Variants in KDM5A observed in about 807,000 individuals in gnomAD.
KDM5A encodes the protein lysine demethylase 5A.
A neutral mutation model predicts 193.5 loss-of-function variants in KDM5A; 42 were observed. That is an observed-to-expected ratio of 0.22 (90% CI 0.17 to 0.28). The LOEUF (loss-of-function observed/expected upper bound fraction) is 0.28, where lower values mean the gene tolerates loss of function less well. KDM5A is among the 10% of genes least tolerant of loss of function. The pLI, the probability that KDM5A is intolerant of heterozygous loss-of-function variation, is 1.00. For missense variants in KDM5A, 1,692 were observed against 2,055.1 expected (o/e 0.82, Z 3.42); for synonymous variants, 796 against 718.1 (o/e 1.11, Z -1.73).
At chr12:299,776 G>A (rs932878304) in intron 24 of KDM5A, among the ~76,000 whole-genome samples, 14 of 151,976 alleles carry the variant, frequency 9.2e-5, no homozygotes, top group African/African-American at 3.1e-4. Context: ...AGACCCACCA[G>A]TGTGCTGTAT....
chr12:384,070 C>T lies in KDM5A; in HGVS notation c.327G>A (p.Val109=), dbSNP rs1490052690. 1 of 1,613,486 alleles carries T rather than the reference C, an allele frequency of 6.2e-7. No homozygotes were observed. Among genetic ancestry groups the T allele is most frequent in the Non-Finnish European group, 8.5e-7 (1 of 1,179,490 alleles). Residue 109 remains valine, a synonymous_variant, in exon 3 of 28, where the codon GTG becomes GTA. Coordinates refer to ENST00000399788, the MANE Select transcript of KDM5A (RefSeq NM_001042603.3). Reference sequence around the variant, plus strand: ...ACAGATCCAGGATTTTTCTCTCTACCACAGGGATCTTCAGAGTAGATCCTT... The same window carrying T: ...ACAGATCCAGGATTTTTCTCTCTACTACAGGGATCTTCAGAGTAGATCCTT... ...ELQGSTLKIP[V]VERKILDLYA...
chr12:301,781 T>A (rs909906203), intron 24 of KDM5A, among the ~76,000 whole-genome samples: 1 of 152,116 alleles, frequency 6.6e-6, no homozygotes, highest in Non-Finnish European at 1.5e-5. Flanking sequence ...AACCCCATCA[T>A]CTCAGCCCAA....
rs996239402 is a variant in KDM5A at position 354,710 on chromosome 12, T to C, written c.870+448A>G. Among the ~76,000 whole-genome samples, 8 of 151,734 alleles carry C rather than the reference T, an allele frequency of 5.3e-5. No individual in the cohort carries two copies. The South Asian group carries it at 1.7e-3, about 32-fold the overall frequency. ...TGAGCCCGAGAGGTGGAGCTTGCAG[T>C]GAGCCGAGATCGCACCACTGCACTC... On this transcript the variant is annotated intron_variant, in intron 7 of 27. Coordinates refer to ENST00000399788, the MANE Select transcript of KDM5A (RefSeq NM_001042603.3).
In KDM5A at chr12:334,169, C is replaced by A; in HGVS notation, c.1490+72G>T. The A allele has an allele frequency of 2.2e-6, 3 of 1,374,888 alleles. No individual in the cohort carries two copies. The South Asian group carries it at 3.6e-5, about 16-fold the overall frequency. 85.2% of individuals were successfully genotyped at this position (1,374,888 alleles called of 1,614,324 possible). ...ACTTCTGTCTATAAACCTTAAAGAT[C>A]AAAAACCTAGCATCATTAATCCACT... On this transcript the variant is annotated intron_variant, in intron 11 of 27. Coordinates refer to ENST00000399788, the MANE Select transcript of KDM5A (RefSeq NM_001042603.3).
chr12:384,234 G>A, intron 2 of KDM5A, 81 bp from the exon 3 acceptor site: 3 of 1,025,002 alleles, frequency 2.9e-6, no homozygotes, highest in Non-Finnish European at 4.6e-6. Context: ...CAAACCCCAG[G>A]ATGTGGACCA....
At chr12:324,575 CAAGAACGT>C (rs1441743659) in intron 14 of KDM5A, among the ~76,000 whole-genome samples, 2 of 151,950 alleles carry the variant, frequency 1.3e-5, no homozygotes, top group African/African-American at 4.8e-5. Flanking sequence ...TTCAGTATGC[CAAGAACGT>C]AAGAGCAGGC....
rs544271296 is a variant in KDM5A, at chr12:320,034, GAGA to G, written c.2541+958_2541+960del. Among the ~76,000 whole-genome samples the G allele has an allele frequency of 2.4e-4, 36 of 152,320 alleles. No homozygotes were observed. In the East Asian group the frequency reaches 6.0e-3, roughly 25 times the overall value. On this transcript the variant is annotated intron_variant, in intron 18 of 27. Transcript: ENST00000399788. ...AAAACAAGCAGCAAGGAAGACGTAA[GAGA>G]AGAAGAACTGCCAATGAGCTAAGAA...
intron 5 of KDM5A, among the ~76,000 whole-genome samples, chr12:357,464 C>T (rs1422815343): frequency 1.5e-4 from 23 of 151,668 alleles, no homozygotes; most frequent in Admixed American, 1.4e-3. Flanking sequence ...ATTGTCCTAC[C>T]ACACCCCAGC....
At chr12:317,604 A>G (rs745629054) in intron 19 of KDM5A, among the ~76,000 whole-genome samples, 9 of 152,232 alleles carry the variant, frequency 5.9e-5, no homozygotes, top group Non-Finnish European at 1.3e-4. Flanking sequence ...GCCCCATTTG[A>G]TAACTTAGCG....
At chr12:338,685 T>C (rs965676256) in intron 10 of KDM5A, among the ~76,000 whole-genome samples, 2 of 152,198 alleles carry the variant, frequency 1.3e-5, no homozygotes, top group African/African-American at 4.8e-5. Context: ...CAACATGTGA[T>C]AAGGACCTAA....
At position 307,086 on chromosome 12, in the gene KDM5A, G is replaced by A. The variant is rs1049074792; in HGVS notation, c.3934C>T (p.His1312Tyr). 4 of 1,614,138 alleles carry A rather than the reference G, an allele frequency of 2.5e-6. No individual in the cohort carries two copies. The highest frequency in any genetic ancestry group is 3.4e-6 in the Non-Finnish European group (4 of 1,179,986). The change falls in exon 24 of 28, where the codon CAC (histidine) becomes TAC (tyrosine). Residue 1312 changes from histidine (H) to tyrosine (Y), a missense_variant. By Grantham distance (83) the His-to-Tyr change is moderately conservative (BLOSUM62 2). Transcript: ENST00000399788. The surrounding 1 kb of genome is among the most constrained non-coding windows in gnomAD (Gnocchi z 4.3). ...KAAANPDLQG[H>Y]LPSFQQSAFN... Reference sequence around the variant, plus strand: ...GCAGACTGCTGGAAACTAGGTAAGTGTCCCTAAACAACAAATAATTCCAAG... The same window carrying A: ...GCAGACTGCTGGAAACTAGGTAAGTATCCCTAAACAACAAATAATTCCAAG...
rs776379780 is a variant in KDM5A at position 283,073 on chromosome 12, T to C, written c.*2383A>G. Reference sequence around the variant, plus strand: ...ACGTCAGAAGGTGACAGGAAGCTATTCATACTTTCTCAGCATCCTCATGAC... The same window carrying C: ...ACGTCAGAAGGTGACAGGAAGCTATCCATACTTTCTCAGCATCCTCATGAC... On this transcript the variant is annotated 3_prime_UTR_variant, in exon 28 of 28. Coordinates refer to ENST00000399788, the MANE Select transcript of KDM5A (RefSeq NM_001042603.3). 3 of 231,056 alleles carry C rather than the reference T, an allele frequency of 1.3e-5. No homozygotes were observed. Among genetic ancestry groups the C allele is most frequent in the African/African-American group, 2.2e-5 (1 of 45,230 alleles). 14.3% of individuals were successfully genotyped at this position (231,056 alleles called of 1,614,324 possible). A position where few individuals can be genotyped will look rare whatever the true frequency, so the allele number is the denominator to read the frequency against.
intron 11 of KDM5A, 40 bp from the exon 12 acceptor site, chr12:333,689 T>G (rs1051230334): frequency 8.9e-6 from 14 of 1,577,344 alleles, no homozygotes; most frequent in African/African-American, 1.3e-5. Context: ...CAGAACATGG[T>G]ACCAATGAGG....
chr12:323,348 C>T (rs755110701), intron 15 of KDM5A, 142 bp from the exon 16 acceptor site: 102 of 1,102,196 alleles, frequency 9.3e-5, no homozygotes, highest in Non-Finnish European at 1.2e-4. Flanking sequence ...TCTTAGTTCA[C>T]ATAAAGAGAA....
chr12:365,110 T>C (rs868374829), intron 4 of KDM5A, among the ~76,000 whole-genome samples: 58 of 152,204 alleles, frequency 3.8e-4, no homozygotes, highest in South Asian at 2.1e-3. Context: ...TGGAGTGCAG[T>C]GGCAGGATCT....
intron 17 of KDM5A, among the ~76,000 whole-genome samples, 154 bp from the exon 18 acceptor site, chr12:321,263 G>A (rs1001616174): frequency 7.2e-5 from 11 of 152,210 alleles, no homozygotes; most frequent in African/African-American, 2.7e-4. Flanking sequence ...CAAAACAGTT[G>A]AGTTATTCAG....
At chr12:315,551 T>A (rs1001859128) in intron 19 of KDM5A, among the ~76,000 whole-genome samples, 7 of 151,848 alleles carry the variant, frequency 4.6e-5, no homozygotes, top group Admixed American at 2.6e-4. Flanking sequence ...CACCCCAGCC[T>A]GGGCAACAAA....
intron 3 of KDM5A, among the ~76,000 whole-genome samples, chr12:375,385 T>C (rs944271521): frequency 2.0e-5 from 3 of 152,212 alleles, no homozygotes; most frequent in African/African-American, 7.2e-5. Context: ...GCTTGTGCAT[T>C]CATCACGTAG....
chr12:282,217 C>T lies in KDM5A; in HGVS notation c.*3239G>A, dbSNP rs926155258. The T allele has an allele frequency of 5.0e-5, 12 of 240,854 alleles. No homozygotes were observed. The highest frequency in any genetic ancestry group is 1.7e-4 in the Admixed American group (3 of 17,906). 14.9% of individuals were successfully genotyped at this position (240,854 alleles called of 1,614,324 possible). ...ACATGGGGTCTCGCTGTTGACCAGG[C>T]GGGACTCAAACTCACAGGTTGAAGC... On this transcript the variant is annotated 3_prime_UTR_variant, in exon 28 of 28. Transcript: ENST00000399788.
Sources: allele counts gnomAD v4.1 joint callset (sites outside exome capture counted in the v4.1 genomes callset), GRCh38; gene constraint gnomAD v4.1.1; non-coding constraint Gnocchi (gnomAD v3.1); transcripts MANE v1.5; gene names NCBI Gene and HGNC (gene_info 2026-07-23, HGNC 2026-07-21).